The following KANSL3 variants were observed in gnomAD, a reference collection of about 807,000 sequenced individuals.
The protein encoded by KANSL3 is KAT8 regulatory NSL complex subunit 3.
Under a neutral mutation model 89.2 loss-of-function variants are expected in KANSL3, and 16 were observed. The ratio of observed to expected loss-of-function variants is 0.18; its 90% confidence interval spans 0.12 to 0.27. The LOEUF (loss-of-function observed/expected upper bound fraction) is 0.27. KANSL3 is among the 10% of genes least tolerant of loss of function. The probability of loss-of-function intolerance (pLI) is 1.00; values close to 1 mark genes in which losing one functional copy is unlikely to be tolerated. For missense variants in KANSL3, 879 were observed against 1,110.6 expected (o/e 0.79, Z 2.96); for synonymous variants, 385 against 419.7 (o/e 0.92, Z 1.01).
chr2:96,632,160 CA>C lies in KANSL3; in HGVS notation c.216-679del, dbSNP rs548024427. ...CTTAAGCCCAGGAGTGAGCTGGTCTCAAAAAATAAATAAATAAATGACAAAT... is the reference window on the plus strand; with the variant it reads ...CTTAAGCCCAGGAGTGAGCTGGTCTCAAAAATAAATAAATAAATGACAAAT... On this transcript the variant is annotated intron_variant, in intron 2 of 20. Coordinates refer to ENST00000431828, the MANE Select transcript of KANSL3 (RefSeq NM_001115016.3). Among the ~76,000 whole-genome samples, 78 of 152,056 alleles carry C rather than the reference CA, an allele frequency of 5.1e-4. 1 individual carries two copies. The highest frequency in any genetic ancestry group is 1.7e-3 in the African/African-American group (72 of 41,452).
At chr2:96,600,907 G>T in intron 20 of KANSL3, 1 of 985,290 alleles carries the variant, frequency 1.0e-6, no homozygotes, top group Non-Finnish European at 1.2e-6. Flanking sequence ...TATACTTGGG[G>T]GCCGAGGCGG....
intron 17 of KANSL3, chr2:96,603,260 C>G (rs373930259): frequency 6.2e-6 from 1 of 161,206 alleles, no homozygotes; most frequent in East Asian, 1.8e-4. Flanking sequence ...AAGAAAGGTT[C>G]TCTTAAAGGA....
chr2:96,602,952 A>G, intron 17 of KANSL3, 90 bp from the exon 18 acceptor site: 2 of 1,203,258 alleles, frequency 1.7e-6, no homozygotes, highest in South Asian at 1.3e-5. Context: ...ACCACCAACT[A>G]AAACACCAGT....
chr2:96,591,405 TTTTG>T (rs1404109275), downstream of KANSL3, among the ~76,000 whole-genome samples: 14 of 152,198 alleles, frequency 9.2e-5, 1 homozygote, highest in Admixed American at 8.5e-4. Flanking sequence ...CCATTCTGTA[TTTTG>T]TTTATGGTTA....
At position 96,605,007 on chromosome 2, in the gene KANSL3, T is replaced by G. The variant is rs539578552; in HGVS notation, c.1934-144A>C. On this transcript the variant is annotated intron_variant, in intron 15 of 20. Transcript: ENST00000431828. The stretch of plus-strand genomic sequence containing the variant: ...ATGAACTATGCTAGAGTAGGGAGAG[T>G]TGGGGTTATTTTTTCCTTCTATTTT... 6.0e-6 allele frequency: 4 copies of G among 663,626 alleles called. No individual in the cohort carries two copies. In the South Asian group the frequency reaches 9.1e-5, roughly 15 times the overall value. The allele number at this position is 663,626 out of a possible 1,614,324, so 41.1% of individuals were successfully genotyped here.
At position 96,611,154 on chromosome 2, in the gene KANSL3, C is replaced by T. The variant is rs753746060; in HGVS notation, c.1087-16G>A. On this transcript the variant is annotated splice_polypyrimidine_tract_variant and intron_variant, in intron 9 of 20. Coordinates refer to ENST00000431828, the MANE Select transcript of KANSL3 (RefSeq NM_001115016.3). Reference sequence around the variant, plus strand: ...TTACTGACACCTGTAAATAACAGAACAGTTTGTCTAAACGTCAACTGAGTT... The same window carrying T: ...TTACTGACACCTGTAAATAACAGAATAGTTTGTCTAAACGTCAACTGAGTT... 6.2e-7 allele frequency: 1 copy of T among 1,611,740 alleles called. No individual in the cohort carries two copies. The highest frequency in any genetic ancestry group is 1.3e-5 in the African/African-American group (1 of 74,870).
At chr2:96,585,894 G>C in the KANSL3 span, among the ~76,000 whole-genome samples, 1 of 152,136 alleles carries the variant, frequency 6.6e-6, no homozygotes, top group East Asian at 1.9e-4. Context: ...TTCTCACTTA[G>C]AAGTGGGAGC....
chr2:96,597,525 T>C (rs1473093540), intron 20 of KANSL3, among the ~76,000 whole-genome samples: 5 of 152,240 alleles, frequency 3.3e-5, no homozygotes, highest in Non-Finnish European at 5.9e-5. Context: ...AGCCTTAATC[T>C]AATAACATCC....
chr2:96,582,870 T>C, the KANSL3 span, among the ~76,000 whole-genome samples: 1 of 152,234 alleles, frequency 6.6e-6, no homozygotes, highest in African/African-American at 2.4e-5. Flanking sequence ...CAGCTGAAAT[T>C]TCAGTTCAAT....
chr2:96,608,621 G>A lies in KANSL3; in HGVS notation c.1628C>T (p.Thr543Ile), dbSNP rs369470185. ...GGCAGAGGTCACTGTGGTCACTTTG[G>A]TCTTGGGACTGGAGGTGGGGCTGCT... ...VSSSPTSSPKTKVTTVTSAQK... is the reference protein window; with the variant it reads ...VSSSPTSSPKIKVTTVTSAQK... The change falls in exon 14 of 21, where the codon ACC becomes ATC. Residue 543 changes from threonine (T) to isoleucine (I), a missense_variant. Thr to Ile is a moderately conservative substitution (Grantham distance 89). Coordinates refer to ENST00000431828, the MANE Select transcript of KANSL3 (RefSeq NM_001115016.3). 2.9e-5 allele frequency: 47 copies of A among 1,614,006 alleles called. No homozygotes were observed. The African/African-American group carries it at 6.0e-4, about 21-fold the overall frequency.
At chr2:96,620,943 A>T (rs950397216) in intron 3 of KANSL3, among the ~76,000 whole-genome samples, 1 of 152,162 alleles carries the variant, frequency 6.6e-6, no homozygotes, top group African/African-American at 2.4e-5. Flanking sequence ...TTGAGGCTGC[A>T]GTGAGCCGTG....
Position 96,611,901 on chromosome 2 carries a change from A to ATGTGTGTGTGTGTGTG in KANSL3, c.1086+380_1086+381insCACACACACACACACA, listed in dbSNP as rs1491403979. 1.9e-3 allele frequency among the ~76,000 whole-genome samples: 59 copies of ATGTGTGTGTGTGTGTG among 31,766 alleles called. 1 individual carries two copies. The highest frequency in any genetic ancestry group is 6.2e-3 in the African/African-American group (29 of 4,682). 20.8% of individuals were successfully genotyped at this position (31,766 alleles called of 152,430 possible). A position where few individuals can be genotyped will look rare whatever the true frequency, so the allele number is the denominator to read the frequency against. On this transcript the variant is annotated intron_variant, in intron 9 of 20. Transcript: ENST00000431828. ...TTTTTTTTTCCACAGATATATACCC[A>ATGTGTGTGTGTGTGTG]TATGTGTGTGTGTGTGTGTGTGTGT... is the stretch of plus-strand genomic sequence containing the variant.
intron 8 of KANSL3, 32 bp from the exon 9 acceptor site, chr2:96,612,385 A>G (rs749709963): frequency 6.2e-7 from 1 of 1,606,376 alleles, no homozygotes. Context: ...ACAGTAAGAC[A>G]GGAGGCCAAA....
At chr2:96,619,790 G>C in intron 3 of KANSL3, 28 bp from the exon 4 acceptor site, 3 of 1,525,374 alleles carry the variant, frequency 2.0e-6, no homozygotes, top group Non-Finnish European at 2.7e-6. Context: ...AGGAATTATA[G>C]TCAAACCCTG....
chr2:96,609,359 T>C, intron 12 of KANSL3, 140 bp downstream of exon 12: 3 of 771,434 alleles, frequency 3.9e-6, no homozygotes, highest in Non-Finnish European at 6.7e-6. Flanking sequence ...TCATTTTTCT[T>C]TTCTTTGCTT....
chr2:96,591,854 G>C (rs557438392), downstream of KANSL3, among the ~76,000 whole-genome samples: 4 of 142,922 alleles, frequency 2.8e-5, no homozygotes, highest in African/African-American at 1.2e-4. Flanking sequence ...GAGGTCACGA[G>C]GCAAGTACCA....
chr2:96,619,617 C>T, intron 4 of KANSL3, 55 bp downstream of exon 4: 3 of 1,601,134 alleles, frequency 1.9e-6, no homozygotes, highest in Non-Finnish European at 1.7e-6. Context: ...AGTCAGTCAG[C>T]CAGTGAGGCC....
the KANSL3 span, among the ~76,000 whole-genome samples, chr2:96,584,164 T>C: frequency 6.6e-6 from 1 of 152,198 alleles, no homozygotes; most frequent in South Asian, 2.1e-4. Context: ...CTATTCTTTT[T>C]TCACTTTTAT....
chr2:96,601,470 A>ATTCCTCTTTGAGCTGTCCAGC, intron 20 of KANSL3, 173 bp downstream of exon 20: 1 of 1,376,902 alleles, frequency 7.3e-7, no homozygotes, highest in Non-Finnish European at 9.4e-7. Context: ...AAGCTCAAAG[A>ATTCCTCTTTGAGCTGTCCAGC]TGTCCATGAT....
Sources: allele counts gnomAD v4.1 joint callset (sites outside exome capture counted in the v4.1 genomes callset), GRCh38; gene constraint gnomAD v4.1.1; transcripts MANE v1.5; gene names NCBI Gene and HGNC (gene_info 2026-07-23, HGNC 2026-07-21).